PTPRT: variants seen among roughly 807,000 people sequenced by gnomAD.
PTPRT encodes the protein receptor-type tyrosine-protein phosphatase T.
PTPRT carries 56 observed loss-of-function variants against 176.8 expected under a neutral mutation model. That is an observed-to-expected ratio of 0.32 (90% confidence interval 0.26 to 0.40). The LOEUF is 0.40. PTPRT is among the 10% of genes least tolerant of loss of function. PTPRT has a pLI of 1.00. For missense variants in PTPRT, 1,540 were observed against 1,908.2 expected (o/e 0.81, Z 3.60); for synonymous variants, 783 against 739.0 (o/e 1.06, Z -0.96).
intron 24 of PTPRT, among the ~76,000 whole-genome samples, chr20:42,106,188 T>C (rs905579420): frequency 1.3e-5 from 2 of 152,204 alleles, no homozygotes; most frequent in Admixed American, 1.3e-4. Context: ...AGAAAGAATG[T>C]ATGCTGCCTG....
intron 7 of PTPRT, among the ~76,000 whole-genome samples, chr20:42,671,598 G>A (rs1170450643): frequency 6.6e-6 from 1 of 152,174 alleles, no homozygotes; most frequent in Non-Finnish European, 1.5e-5. Flanking sequence ...GTTCTGAGAA[G>A]TGGACAAGGA....
chr20:43,062,352 C>T (rs1201384215), intron 1 of PTPRT, among the ~76,000 whole-genome samples: 1 of 152,232 alleles, frequency 6.6e-6, no homozygotes, highest in Non-Finnish European at 1.5e-5. Context: ...AGCCACTTAA[C>T]AGATCTGAGC....
chr20:42,489,008 T>TTGTG (rs56267962), intron 7 of PTPRT, among the ~76,000 whole-genome samples: 101 of 131,258 alleles, frequency 7.7e-4, no homozygotes, highest in South Asian at 1.1e-3. Context: ...TCAACCAAGT[T>TTGTG]TGTGTGTGTG....
intron 16 of PTPRT, among the ~76,000 whole-genome samples, chr20:42,189,421 A>G (rs907334244): frequency 5.3e-5 from 8 of 152,180 alleles, no homozygotes; most frequent in South Asian, 2.1e-4. Flanking sequence ...CTCTCCTCTT[A>G]GAGGACAGTA....
chr20:42,916,300 C>G (rs367979539), intron 1 of PTPRT, among the ~76,000 whole-genome samples: 22 of 152,144 alleles, frequency 1.4e-4, no homozygotes, highest in African/African-American at 5.1e-4. Context: ...GAACTCATCA[C>G]TTTTTATGGC....
chr20:42,252,239 T>C (rs1312956178), intron 13 of PTPRT, among the ~76,000 whole-genome samples: 2 of 152,158 alleles, frequency 1.3e-5, no homozygotes, highest in African/African-American at 2.4e-5. Flanking sequence ...GGGGAAAATA[T>C]ATCTAGGGCA....
chr20:43,035,556 T>C (rs1986343119), intron 1 of PTPRT, among the ~76,000 whole-genome samples: 1 of 152,226 alleles, frequency 6.6e-6, no homozygotes, highest in South Asian at 2.1e-4. Context: ...AAGAGTTCTG[T>C]CTGATTCATC....
intron 7 of PTPRT, among the ~76,000 whole-genome samples, chr20:42,488,032 C>G (rs1258645865): frequency 1.3e-5 from 2 of 152,162 alleles, no homozygotes; most frequent in Non-Finnish European, 2.9e-5. Context: ...CTTTTTGTCA[C>G]TCAGCACTAC....
In PTPRT at chr20:42,696,622, A is replaced by AT. The variant is rs1438698546; in HGVS notation, c.860-18464dup. On this transcript the variant is annotated intron_variant, in intron 6 of 30. Transcript: ENST00000373187. ...AGGCACCTGCTACCACACCCGGCTA[A>AT]TTTTTTGTATTTTTTGTAGAGACTG... Among the ~76,000 whole-genome samples, 11 of 151,802 alleles carry AT rather than the reference A, an allele frequency of 7.2e-5. No individual in the cohort carries two copies. The South Asian group carries it at 2.3e-3, about 32-fold the overall frequency.
chr20:42,904,386 A>C (rs2079447434), intron 1 of PTPRT, among the ~76,000 whole-genome samples: 1 of 152,174 alleles, frequency 6.6e-6, no homozygotes. Context: ...TTTGCCTGAG[A>C]GAAAGGAGTC....
rs1986275758 is a variant in PTPRT at position 42,104,773 on chromosome 20, A to G, written c.3391-55T>C. ...GCCAGGTAAGAACAGTGGCCTGGGA[A>G]TTAGCTGTCCACATTTAGTGTTGTG... On this transcript the variant is annotated intron_variant, in intron 24 of 30. Coordinates refer to ENST00000373187, the MANE Select transcript of PTPRT (RefSeq NM_007050.6). The G allele has an allele frequency of 7.4e-6, 11 of 1,493,630 alleles. No homozygotes were observed. In the South Asian group the frequency reaches 1.3e-4, roughly 17 times the overall value. The allele number at this position is 1,493,630 out of a possible 1,614,324, so 92.5% of individuals were successfully genotyped here.
chr20:42,075,806 G>A lies in PTPRT; in HGVS notation c.*5073C>T, dbSNP rs1982712258. ...AGAGCTAGTGTGGCAATGGGGAGTG[G>A]AGGATGAATAAACATGATGGGTCAG... On this transcript the variant is annotated 3_prime_UTR_variant, in exon 31 of 31. Transcript: ENST00000373187. The A allele has an allele frequency of 4.9e-6, 1 of 203,852 alleles. No individual in the cohort carries two copies. The highest frequency in any genetic ancestry group is 7.5e-5 in the East Asian group (1 of 13,312). The allele number at this position is 203,852 out of a possible 1,614,324, so 12.6% of individuals were successfully genotyped here. A position where few individuals can be genotyped will look rare whatever the true frequency, so the allele number is the denominator to read the frequency against.
At chr20:42,361,857 T>A (rs966564370) in intron 9 of PTPRT, among the ~76,000 whole-genome samples, 1 of 152,220 alleles carries the variant, frequency 6.6e-6, no homozygotes, top group African/African-American at 2.4e-5. Flanking sequence ...GTTGTTTTAT[T>A]CCACTAAATT....
At chr20:42,090,410 G>A (rs769841728) in intron 27 of PTPRT, among the ~76,000 whole-genome samples, 2 of 151,484 alleles carry the variant, frequency 1.3e-5, no homozygotes, top group Non-Finnish European at 2.9e-5. Context: ...GGGTTGCTCC[G>A]ATGAGCTGAA....
intron 16 of PTPRT, among the ~76,000 whole-genome samples, chr20:42,177,739 T>TG (rs1197154782): frequency 3.9e-5 from 6 of 152,184 alleles, no homozygotes; most frequent in South Asian, 2.1e-4. Context: ...AACCATTTTA[T>TG]GGGGGGGCAG....
At chr20:42,855,500 C>T (rs149472207) in intron 2 of PTPRT, among the ~76,000 whole-genome samples, 1,958 of 143,944 alleles carry the variant, frequency 0.014, 35 homozygotes, top group African/African-American at 0.048. Context: ...GGTACAATCT[C>T]GGCTCACTGC....
rs567421804 is a variant in PTPRT at position 42,392,221 on chromosome 20, G to C, written c.1561-39936C>G. Among the ~76,000 whole-genome samples, 112 of 152,218 alleles carry C rather than the reference G, an allele frequency of 7.4e-4. 1 individual carries two copies. The highest frequency in any genetic ancestry group is 2.5e-3 in the African/African-American group (102 of 41,530). ...GTTCTAACACATATGAACATTTCCT[G>C]CCCTACCTTTTCTCAGACCTTGCAT... On this transcript the variant is annotated intron_variant, in intron 9 of 30. Transcript: ENST00000373187.
At position 43,111,304 on chromosome 20, in the gene PTPRT, C is replaced by A. The variant is rs145029759; in HGVS notation, c.88+78342G>T. On this transcript the variant is annotated intron_variant, in intron 1 of 30. Transcript: ENST00000373187. ...CCTGTAATCCAAGCACTTTGGGAGG[C>A]CAAGGAGGGCGGATCACGAGGTCAG... Among the ~76,000 whole-genome samples, 1,434 of 152,058 alleles carry A rather than the reference C, an allele frequency of 9.4e-3. 19 individuals are homozygous for A. Among genetic ancestry groups the A allele is most frequent in the African/African-American group, 0.033 (1,350 of 41,472 alleles).
intron 2 of PTPRT, among the ~76,000 whole-genome samples, chr20:42,876,880 G>A (rs533876527): frequency 1.1e-4 from 17 of 152,226 alleles, no homozygotes; most frequent in Non-Finnish European, 1.8e-4. Flanking sequence ...CAGAAGCATA[G>A]TAGAGAGGTA....
Sources: allele counts gnomAD v4.1 joint callset (sites outside exome capture counted in the v4.1 genomes callset), GRCh38; gene constraint gnomAD v4.1.1; transcripts MANE v1.5; gene names NCBI Gene and HGNC (gene_info 2026-07-23, HGNC 2026-07-21).